CCDC149: variants seen among roughly 807,000 people sequenced by gnomAD.
CCDC149 encodes coiled-coil domain-containing protein 149.
CCDC149 carries 45 observed loss-of-function variants against 59.9 expected under a neutral mutation model. The ratio of observed to expected loss-of-function variants is 0.75; its 90% CI spans 0.59 to 0.96. CCDC149 has a LOEUF of 0.96. Among genes scored for constraint, CCDC149 ranks in the 40% least tolerant of loss-of-function variants. The pLI is 0.00. For synonymous variants in CCDC149, 245 were observed against 260.6 expected (o/e 0.94, Z 0.58); for missense variants, 584 against 664.7 (o/e 0.88, Z 1.33).
chr4:24,928,283 T>C (rs2109340307), intron 1 of CCDC149, among the ~76,000 whole-genome samples: 1 of 152,284 alleles, frequency 6.6e-6, no homozygotes, highest in Non-Finnish European at 1.5e-5. Flanking sequence ...GACACGTACA[T>C]TGGACTGTGA....
chr4:24,908,158 T>C (rs1486210944), intron 1 of CCDC149, among the ~76,000 whole-genome samples: 2 of 152,256 alleles, frequency 1.3e-5, no homozygotes, highest in African/African-American at 4.8e-5. Flanking sequence ...GGGAGGGTGT[T>C]AGGACTTGAA....
intron 1 of CCDC149, among the ~76,000 whole-genome samples, chr4:24,973,554 A>C (rs938552674): frequency 2.0e-4 from 31 of 152,224 alleles, no homozygotes; most frequent in African/African-American, 7.5e-4. Flanking sequence ...ACTGGCAGCT[A>C]TCTTGACATT....
chr4:24,952,694 A>G (rs1024178236), intron 1 of CCDC149, among the ~76,000 whole-genome samples: 1 of 139,042 alleles, frequency 7.2e-6, no homozygotes, highest in African/African-American at 2.7e-5. Context: ...CAAAAAATTT[A>G]CCCTCTTAAC....
chr4:24,954,074 G>C (rs1260535828), intron 1 of CCDC149, among the ~76,000 whole-genome samples: 1 of 152,076 alleles, frequency 6.6e-6, no homozygotes, highest in Admixed American at 6.6e-5. Context: ...GTCCCAGAAG[G>C]AGAAGAGAGA....
intron 1 of CCDC149, among the ~76,000 whole-genome samples, chr4:24,899,460 G>A (rs1721034419): frequency 6.6e-6 from 1 of 152,196 alleles, no homozygotes; most frequent in Non-Finnish European, 1.5e-5. Flanking sequence ...AGGAAAAGAA[G>A]AGGAGAGTAT....
At chr4:24,855,946 C>A (rs1717976944) in intron 3 of CCDC149, among the ~76,000 whole-genome samples, 1 of 152,210 alleles carries the variant, frequency 6.6e-6, no homozygotes, top group Admixed American at 6.5e-5. Context: ...GGTGACATGA[C>A]AGGAGTTTCT....
At chr4:24,820,991 G>T in intron 11 of CCDC149, 64 bp downstream of exon 11, 3 of 903,062 alleles carry the variant, frequency 3.3e-6, no homozygotes, top group Non-Finnish European at 4.4e-6. Flanking sequence ...TTATTTACAT[G>T]CAGGGATGAC....
At chr4:24,864,630 G>C (rs1465394370) in intron 3 of CCDC149, among the ~76,000 whole-genome samples, 1 of 152,196 alleles carries the variant, frequency 6.6e-6, no homozygotes, top group Non-Finnish European at 1.5e-5. Context: ...AGCTGGCCCT[G>C]CGTGAATTAA....
intron 1 of CCDC149, among the ~76,000 whole-genome samples, chr4:24,878,401 T>G (rs996052798): frequency 3.9e-5 from 6 of 152,144 alleles, no homozygotes; most frequent in African/African-American, 1.4e-4. Context: ...GACGTTGACA[T>G]CGTCTTCATG....
rs114823040 is a variant in CCDC149 at position 24,962,953 on chromosome 4, A to G, written c.-65+17116T>C. Among the ~76,000 whole-genome samples, 642 of 151,598 alleles carry G rather than the reference A, an allele frequency of 4.2e-3. 7 individuals are homozygous for G. Among genetic ancestry groups the G allele is most frequent in the African/African-American group, 0.014 (595 of 41,450 alleles). On this transcript the variant is annotated intron_variant, in intron 1 of 12. Coordinates refer to the CCDC149 transcript ENST00000389609. ...GAAAAAAAAGAAAATTTATGAATTT[A>G]TCAGTTGTATACCTATAAAAACTTA...
intron 1 of CCDC149, among the ~76,000 whole-genome samples, chr4:24,951,089 G>A (rs56209095): frequency 0.022 from 3,387 of 152,318 alleles, 64 homozygotes; most frequent in Non-Finnish European, 0.03. Context: ...ACAGGAAATC[G>A]CTACCTGCAG....
intron 1 of CCDC149, among the ~76,000 whole-genome samples, chr4:24,904,908 T>C (rs1414095424): frequency 6.6e-6 from 1 of 152,138 alleles, no homozygotes; most frequent in African/African-American, 2.4e-5. Flanking sequence ...CTTTCATTTG[T>C]TTGTTTGTTT....
intron 1 of CCDC149, among the ~76,000 whole-genome samples, chr4:24,905,414 C>CGTGCGTGTGT (rs1491199183): frequency 1.3e-5 from 1 of 78,652 alleles, no homozygotes. Context: ...TGCGTGCGTG[C>CGTGCGTGTGT]GTGTGTGTGT....
At chr4:24,933,911 C>A (rs945628082) in intron 1 of CCDC149, among the ~76,000 whole-genome samples, 1 of 152,120 alleles carries the variant, frequency 6.6e-6, no homozygotes, top group Non-Finnish European at 1.5e-5. Flanking sequence ...TGGAGTCAAC[C>A]ACTTGTTGGC....
chr4:24,962,647 A>T, intron 1 of CCDC149, among the ~76,000 whole-genome samples: 1 of 151,498 alleles, frequency 6.6e-6, no homozygotes, highest in East Asian at 1.9e-4. Context: ...AAAACCAAGC[A>T]CCTCATGTTC....
At chr4:24,877,888 T>C (rs1427590970) in intron 1 of CCDC149, among the ~76,000 whole-genome samples, 1 of 152,194 alleles carries the variant, frequency 6.6e-6, no homozygotes, top group East Asian at 1.9e-4. Context: ...TTACTGGATA[T>C]ATTGCACCGT....
In CCDC149 at chr4:24,838,138, A is replaced by C; in HGVS notation, c.489+18T>G. On this transcript the variant is annotated intron_variant, in intron 5 of 12. Coordinates refer to ENST00000635206, the MANE Select transcript of CCDC149 (RefSeq NM_001330643.2). Reference sequence around the variant, plus strand: ...TGTGCAAATGCATCCCCCACTCTGAATAGATGTTAGTGAGAACCTGTTCCT... The same window carrying C: ...TGTGCAAATGCATCCCCCACTCTGACTAGATGTTAGTGAGAACCTGTTCCT... 4 of 1,569,978 alleles carry C rather than the reference A, an allele frequency of 2.5e-6. No homozygotes were observed. Among genetic ancestry groups the C allele is most frequent in the Non-Finnish European group, 2.6e-6 (3 of 1,139,496 alleles).
At chr4:24,905,141 C>A (rs762830842) in intron 1 of CCDC149, among the ~76,000 whole-genome samples, 2 of 151,882 alleles carry the variant, frequency 1.3e-5, no homozygotes, top group East Asian at 3.9e-4. Flanking sequence ...ACCTCATGAT[C>A]CACCGCCGTG....
intron 1 of CCDC149, among the ~76,000 whole-genome samples, chr4:24,908,329 A>T (rs913702013): frequency 6.6e-6 from 1 of 152,108 alleles, no homozygotes; most frequent in Non-Finnish European, 1.5e-5. Flanking sequence ...TAAGTCAACA[A>T]CTGAAACCCA....
Sources: allele counts gnomAD v4.1 joint callset (sites outside exome capture counted in the v4.1 genomes callset), GRCh38; gene constraint gnomAD v4.1.1; transcripts MANE v1.5; gene names NCBI Gene and HGNC (gene_info 2026-07-23, HGNC 2026-07-21).